PUDP: variants seen among roughly 807,000 people sequenced by gnomAD.
PUDP encodes pseudouridine 5'-phosphatase.
Under a neutral mutation model 9.4 loss-of-function variants are expected in PUDP, and 8 were observed. The observed-to-expected ratio is 0.85, with a 90% CI of 0.50 to 1.53. The LOEUF (loss-of-function observed/expected upper bound fraction) is 1.53, where lower values mean the gene tolerates loss of function less well. Ranked by LOEUF, PUDP falls within the 40% of genes most tolerant of loss-of-function variation. The pLI, the probability that PUDP is intolerant of heterozygous loss-of-function variation, is 0.00. For missense variants in PUDP, 188 were observed against 189.7 expected (o/e 0.99, Z 0.05); for synonymous variants, 99 against 80.7 (o/e 1.23, Z -1.22).
At chrX:6,760,367 C>T (rs1219023563) in intron 3 of PUDP, among the ~76,000 whole-genome samples, 1 of 112,013 alleles carries the variant, frequency 8.9e-6, no homozygotes, top group Non-Finnish European at 1.9e-5. Context: ...AAGCAAGCCT[C>T]AGCCCTTTGG....
chrX:6,853,446 T>G (rs1488413991), intron 3 of PUDP, among the ~76,000 whole-genome samples: 3 of 52,440 alleles, frequency 5.7e-5, no homozygotes, highest in Non-Finnish European at 7.8e-5. Context: ...TCCCCCCTTT[T>G]GTGTGTGTTT....
At chrX:7,115,566 C>A (rs1569164064) in intron 1 of PUDP, among the ~76,000 whole-genome samples, 1 of 112,655 alleles carries the variant, frequency 8.9e-6, no homozygotes, top group African/African-American at 3.2e-5. Flanking sequence ...CAGCCCTTCA[C>A]AGCAGAAAGG....
At chrX:6,829,960 C>T (rs1291521927) in intron 3 of PUDP, among the ~76,000 whole-genome samples, 1 of 110,369 alleles carries the variant, frequency 9.1e-6, no homozygotes, top group Non-Finnish European at 1.9e-5. Context: ...CACATTAATC[C>T]AGAACATTAA....
chrX:6,896,788 G>C (rs1456204958), intron 3 of PUDP, among the ~76,000 whole-genome samples: 2 of 111,826 alleles, frequency 1.8e-5, no homozygotes, highest in African/African-American at 6.5e-5. Flanking sequence ...CTGTCTCCGG[G>C]CTGTTCCGGC....
chrX:6,740,575 CA>C (rs1195462907), intron 3 of PUDP, among the ~76,000 whole-genome samples: 1 of 110,984 alleles, frequency 9.0e-6, no homozygotes, highest in Non-Finnish European at 1.9e-5. Context: ...GCGTGCCTGT[CA>C]GTATTGTAAT....
intron 1 of PUDP, among the ~76,000 whole-genome samples, chrX:6,980,667 A>T (rs1206123185): frequency 9.8e-6 from 1 of 102,040 alleles, no homozygotes; most frequent in Non-Finnish European, 2.0e-5. Context: ...GATGAAAATT[A>T]AAAAAAAAAA....
At chrX:7,125,464 T>C (rs149098109) in intron 1 of PUDP, among the ~76,000 whole-genome samples, 2 of 111,575 alleles carry the variant, frequency 1.8e-5, no homozygotes, top group African/African-American at 6.5e-5. Context: ...CCTAGGCCTT[T>C]TGAATTAATG....
intron 1 of PUDP, among the ~76,000 whole-genome samples, chrX:6,987,704 T>G (rs1231734098): frequency 8.9e-6 from 1 of 112,248 alleles, no homozygotes; most frequent in African/African-American, 3.2e-5. Context: ...CCACGGCTGT[T>G]TTCCTGCTGC....
intron 3 of PUDP, among the ~76,000 whole-genome samples, chrX:6,758,809 A>T (rs1345419726): frequency 9.0e-6 from 1 of 111,499 alleles, no homozygotes; most frequent in Non-Finnish European, 1.9e-5. Context: ...GACCTGCCTC[A>T]TCAACGTGCG....
intron 1 of PUDP, among the ~76,000 whole-genome samples, chrX:7,113,995 C>T (rs1297623800): frequency 1.8e-5 from 2 of 111,192 alleles, no homozygotes; most frequent in African/African-American, 3.3e-5. Context: ...CATGGAGTCC[C>T]GAGGCAGCAC....
At chrX:6,788,577 C>T (rs1275742968) in intron 3 of PUDP, among the ~76,000 whole-genome samples, 1 of 111,395 alleles carries the variant, frequency 9.0e-6, no homozygotes, top group African/African-American at 3.3e-5. Context: ...TGGTGGCATG[C>T]ACCTGTAGCC....
At chrX:7,083,627 A>G (rs1703044313) in intron 2 of PUDP, among the ~76,000 whole-genome samples, 1 of 110,999 alleles carries the variant, frequency 9.0e-6, no homozygotes, top group African/African-American at 3.3e-5. Flanking sequence ...TTGGCTGGGC[A>G]TGGTGGCTCA....
chrX:6,946,531 A>C (rs1928467078), intron 3 of PUDP, among the ~76,000 whole-genome samples: 1 of 111,903 alleles, frequency 8.9e-6, no homozygotes, highest in Admixed American at 9.5e-5. Context: ...TTCAGTTGAC[A>C]ATATAAGGAA....
chrX:6,971,789 T>G (rs777999819), intron 3 of PUDP, among the ~76,000 whole-genome samples: 230 of 111,781 alleles, frequency 2.1e-3, no homozygotes, highest in Non-Finnish European at 3.6e-3. Flanking sequence ...GCATTGAATC[T>G]ATAAATTACT....
chrX:6,838,252 G>A (rs182882635), intron 3 of PUDP, among the ~76,000 whole-genome samples: 1 of 112,694 alleles, frequency 8.9e-6, no homozygotes, highest in Admixed American at 9.4e-5. Flanking sequence ...TTTCTCTTTA[G>A]AATATGATTT....
At chrX:6,994,984 T>C (rs1462849120) in intron 1 of PUDP, among the ~76,000 whole-genome samples, 1 of 109,287 alleles carries the variant, frequency 9.2e-6, no homozygotes. Context: ...AGTCAAAATA[T>C]GGAAAAAAAG....
intron 3 of PUDP, among the ~76,000 whole-genome samples, chrX:6,923,799 C>G (rs1385044092): frequency 1.8e-5 from 2 of 111,458 alleles, no homozygotes; most frequent in Non-Finnish European, 3.8e-5. Flanking sequence ...CTTCTAGTGG[C>G]TCCACGTCTC....
At chrX:7,102,675 G>T (rs1475253894) in intron 2 of PUDP, among the ~76,000 whole-genome samples, 1 of 109,197 alleles carries the variant, frequency 9.2e-6, no homozygotes, top group African/African-American at 3.3e-5. Flanking sequence ...CATATATATA[G>T]AAATCACTAC....
intron 1 of PUDP, among the ~76,000 whole-genome samples, chrX:7,016,220 C>A (rs1445991780): frequency 1.8e-5 from 2 of 110,572 alleles, no homozygotes; most frequent in African/African-American, 6.6e-5. Flanking sequence ...GCAGTCCTAG[C>A]TACTTGAGAG....
Sources: gnomAD v4.1 joint callset for allele counts (sites outside exome capture counted in the v4.1 genomes callset) on GRCh38, gnomAD v4.1.1 for gene constraint, MANE v1.5 for transcripts, NCBI Gene and HGNC (gene_info 2026-07-23, HGNC 2026-07-21) for gene names.